Variants in MAP3K14 observed in about 807,000 individuals in gnomAD.
The protein encoded by MAP3K14 is NF-kappa-beta-inducing kinase.
A neutral mutation model predicts 99.2 loss-of-function variants in MAP3K14; 16 were observed. That is an observed-to-expected ratio of 0.16 (90% confidence interval 0.11 to 0.24). The LOEUF is 0.24. MAP3K14 is among the 10% of genes least tolerant of loss of function. The pLI, the probability that MAP3K14 is intolerant of heterozygous loss-of-function variation, is 1.00. For synonymous variants in MAP3K14, 462 were observed against 492.4 expected (o/e 0.94, Z 0.82); for missense variants, 784 against 1,208.7 (o/e 0.65, Z 5.21).
chr17:45,305,158 C>T (rs1001007346), intron 1 of MAP3K14, among the ~76,000 whole-genome samples: 3 of 148,894 alleles, frequency 2.0e-5, no homozygotes, highest in South Asian at 2.1e-4. Context: ...AGTGCAGTGA[C>T]GCAATCTCGG....
intron 1 of MAP3K14, among the ~76,000 whole-genome samples, chr17:45,310,122 C>T (rs2044462383): frequency 6.6e-6 from 1 of 151,338 alleles, no homozygotes. Context: ...CAACCTCCAC[C>T]TCCCAGGTTC....
chr17:45,286,811 A>T lies in MAP3K14; in HGVS notation c.772T>A (p.Phe258Ile), dbSNP rs1265175576. 1 of 1,607,972 alleles carries T rather than the reference A, an allele frequency of 6.2e-7. No homozygotes were observed. The highest frequency in any genetic ancestry group is 1.7e-5 in the Admixed American group (1 of 59,798). The change falls in exon 5 of 16, where the codon TTC becomes ATC. Residue 258 changes from phenylalanine to isoleucine, a missense_variant. Physicochemically the swap from Phe to Ile is conservative, Grantham distance 21 (BLOSUM62 0). Coordinates refer to ENST00000344686, the MANE Select transcript of MAP3K14 (RefSeq NM_003954.5). The surrounding 1 kb of genome is among the most constrained non-coding windows in gnomAD (Gnocchi z 4.1). ...GGPLPLPTHP[F>I]PYSRLPHPFP... is the part of the protein sequence containing the mutation. ...GGATGAGGCAGTCTGCTATAGGGGA[A>T]GGGGTGCGTGGGCAGGGGCAGGGGG...
intron 3 of MAP3K14, among the ~76,000 whole-genome samples, 155 bp from the exon 4 acceptor site, chr17:45,287,519 C>G (rs1252992140): frequency 1.3e-5 from 2 of 151,648 alleles, no homozygotes; most frequent in Non-Finnish European, 2.9e-5. Context: ...TCCCAAGGAA[C>G]CTGTTTTCTC....
chr17:45,271,261 G>A (rs1323114037), intron 9 of MAP3K14, 40 bp from the exon 10 acceptor site: 2 of 1,572,570 alleles, frequency 1.3e-6, no homozygotes, highest in Non-Finnish European at 1.7e-6. Context: ...CTGGAATGCT[G>A]ATGGGCAGGA....
rs1913599989 is a variant in MAP3K14, at chr17:45,287,055, G to GA, written c.538-11dup. 6.2e-7 allele frequency: 1 copy of GA among 1,609,062 alleles called. No individual in the cohort carries two copies. The highest frequency in any genetic ancestry group is 1.3e-5 in the African/African-American group (1 of 74,776). ...GTGGAGACTCATCCTCCTGCGGGGG[G>GA]AAACACAGCTATCAGCACAGAGGGC... On this transcript the variant is annotated splice_polypyrimidine_tract_variant and intron_variant, in intron 4 of 15. Coordinates refer to ENST00000344686, the MANE Select transcript of MAP3K14 (RefSeq NM_003954.5).
intron 1 of MAP3K14, among the ~76,000 whole-genome samples, chr17:45,304,889 T>C (rs542484909): frequency 3.3e-5 from 5 of 152,216 alleles, no homozygotes; most frequent in Admixed American, 6.5e-5. Context: ...TTATCTGTAA[T>C]ATAGGGATCC....
At chr17:45,311,970 C>G (rs938005383) in intron 1 of MAP3K14, among the ~76,000 whole-genome samples, 4 of 152,170 alleles carry the variant, frequency 2.6e-5, no homozygotes, top group African/African-American at 7.2e-5. Flanking sequence ...CACGATCCCC[C>G]CTCCGCTGTC....
rs767104630 is a variant in MAP3K14, at chr17:45,288,685, T to C, written c.326+551A>G. 9.2e-5 allele frequency among the ~76,000 whole-genome samples: 14 copies of C among 152,266 alleles called. No individual in the cohort carries two copies. In the Middle Eastern group the frequency reaches 0.01, roughly 111 times the overall value. ...GCCATTGTGCCCAGCACTTGAACTCTTGTTTCAAAAAATCATCTGTGGGGG... is the reference window on the plus strand; with the variant it reads ...GCCATTGTGCCCAGCACTTGAACTCCTGTTTCAAAAAATCATCTGTGGGGG... On this transcript the variant is annotated intron_variant, in intron 3 of 15. Coordinates refer to ENST00000344686, the MANE Select transcript of MAP3K14 (RefSeq NM_003954.5).
At chr17:45,270,871 C>T (rs546145436) in intron 10 of MAP3K14, 187 bp downstream of exon 10, 244 of 871,334 alleles carry the variant, frequency 2.8e-4, no homozygotes, top group Non-Finnish European at 3.7e-4. Flanking sequence ...ACTTGGTGAG[C>T]CTCCGCAGCT....
chr17:45,273,657 C>G lies in MAP3K14; in HGVS notation c.1553-50G>C, dbSNP rs771644878. 6 of 1,434,418 alleles carry G rather than the reference C, an allele frequency of 4.2e-6. No homozygotes were observed. In the African/African-American group the frequency reaches 8.4e-5, roughly 20 times the overall value. The allele number at this position is 1,434,418 out of a possible 1,614,324, so 88.9% of individuals were successfully genotyped here. On this transcript the variant is annotated intron_variant, in intron 8 of 15. Coordinates refer to ENST00000344686, the MANE Select transcript of MAP3K14 (RefSeq NM_003954.5). ...GAGGAACAGGTGAGTCATGCCGGGT[C>G]CCAGCCCACCCTGGCTCGGTTTGGC...
At chr17:45,273,357 C>A (rs928143476) in intron 9 of MAP3K14, 146 bp downstream of exon 9, 24 of 636,006 alleles carry the variant, frequency 3.8e-5, no homozygotes, top group Non-Finnish European at 5.7e-5. Context: ...AACAAAGAAA[C>A]CCCTGATAAT....
In MAP3K14 at chr17:45,274,165, C is replaced by G; in HGVS notation, c.1510G>C (p.Glu504Gln). Residue 504 changes from glutamate (E) to glutamine (Q), a missense_variant, in exon 8 of 16, where the codon GAA becomes CAA. Coordinates refer to ENST00000344686, the MANE Select transcript of MAP3K14 (RefSeq NM_003954.5). ...YYLGQALEGL[E>Q]YLHSRRILHG... The stretch of plus-strand genomic sequence containing the variant: ...AGAATCCTTCGTGAGTGGAGGTATT[C>G]CAGACCCTCCAGGGCCTGGCCCAGG... The G allele has an allele frequency of 6.2e-7, 1 of 1,605,302 alleles. No individual in the cohort carries two copies. Among genetic ancestry groups the G allele is most frequent in the East Asian group, 2.2e-5 (1 of 44,554 alleles).
At chr17:45,316,687 T>C (rs1170049540) in intron 1 of MAP3K14, among the ~76,000 whole-genome samples, 1 of 151,928 alleles carries the variant, frequency 6.6e-6, no homozygotes, top group East Asian at 1.9e-4. Context: ...AGGCGGCCCC[T>C]GCGCGCGCTC....
intron 6 of MAP3K14, among the ~76,000 whole-genome samples, chr17:45,278,679 C>CTT (rs34562745): frequency 2.4e-4 from 33 of 139,152 alleles, no homozygotes; most frequent in African/African-American, 5.8e-4. Flanking sequence ...CCATGCTGAA[C>CTT]TTTTTTTTTT....
chr17:45,287,587 G>A (rs1400112935), intron 3 of MAP3K14, among the ~76,000 whole-genome samples: 1 of 152,244 alleles, frequency 6.6e-6, no homozygotes, highest in Admixed American at 6.5e-5. Flanking sequence ...TGGAAATGAA[G>A]TTTCAATAAT....
chr17:45,315,635 C>A (rs1051104040), intron 1 of MAP3K14, among the ~76,000 whole-genome samples: 1 of 152,134 alleles, frequency 6.6e-6, no homozygotes, highest in Non-Finnish European at 1.5e-5. Context: ...AGCATAAAAA[C>A]CACACCAAAA....
chr17:45,310,804 A>C (rs953454021), intron 1 of MAP3K14, among the ~76,000 whole-genome samples: 4 of 152,134 alleles, frequency 2.6e-5, no homozygotes, highest in Non-Finnish European at 2.9e-5. Context: ...ACTTCCTGGT[A>C]ATTGTATTTT....
At chr17:45,294,691 T>C (rs1165358032) in intron 1 of MAP3K14, among the ~76,000 whole-genome samples, 1 of 152,246 alleles carries the variant, frequency 6.6e-6, no homozygotes, top group Non-Finnish European at 1.5e-5. Context: ...CTAGGCCTGC[T>C]GAACCAGTCA....
intron 1 of MAP3K14, among the ~76,000 whole-genome samples, chr17:45,294,073 C>G (rs1393740389): frequency 1.3e-5 from 2 of 152,232 alleles, no homozygotes; most frequent in African/African-American, 4.8e-5. Context: ...CCAGTTATGT[C>G]TCTGCCTTTG....
Sources: gnomAD v4.1 joint callset for allele counts (sites outside exome capture counted in the v4.1 genomes callset) on GRCh38, gnomAD v4.1.1 for gene constraint, Gnocchi (gnomAD v3.1) non-coding constraint, MANE v1.5 for transcripts, NCBI Gene and HGNC (gene_info 2026-07-23, HGNC 2026-07-21) for gene names.